The following CSMD3 variants were observed in gnomAD, a reference collection of about 807,000 sequenced individuals.
The protein encoded by CSMD3 is CUB and sushi domain-containing protein 3.
A neutral mutation model predicts 435.2 loss-of-function variants in CSMD3; 177 were observed. The ratio of observed to expected loss-of-function variants is 0.41; its 90% CI spans 0.36 to 0.46. The LOEUF (loss-of-function observed/expected upper bound fraction) is 0.46, where lower values mean the gene tolerates loss of function less well. Among genes scored for constraint, CSMD3 ranks in the 20% least tolerant of loss-of-function variants. The pLI is 0.34. For missense variants in CSMD3, 4,265 were observed against 4,504.6 expected, an observed-to-expected ratio of 0.95 and a Z score of 1.52; for synonymous variants, 1,656 against 1,520.5, an observed-to-expected ratio of 1.09 and a Z score of -2.07.
chr8:113,125,166 C>T (rs905391893), intron 4 of CSMD3, among the ~76,000 whole-genome samples: 2 of 151,874 alleles, frequency 1.3e-5, no homozygotes, highest in African/African-American at 4.8e-5. Flanking sequence ...GGAGTAAGCA[C>T]ATAACTTAGT....
rs534398759 is a variant in CSMD3 at position 112,918,361 on chromosome 8, C to A, written c.1633+3266G>T. ...TCCCTTAATTACCCATTTCATTAATCCCATGAGTGGTTTTTGCCCTTGTAA... is the reference window on the plus strand; with the variant it reads ...TCCCTTAATTACCCATTTCATTAATACCATGAGTGGTTTTTGCCCTTGTAA... On this transcript the variant is annotated intron_variant, in intron 10 of 70. Coordinates refer to ENST00000297405, the MANE Select transcript of CSMD3 (RefSeq NM_198123.2). Among the ~76,000 whole-genome samples, 6 of 151,896 alleles carry A rather than the reference C, an allele frequency of 4.0e-5. No homozygotes were observed. In the East Asian group the frequency reaches 9.7e-4, roughly 25 times the overall value.
chr8:113,225,180 C>T (rs2093012929), intron 3 of CSMD3, among the ~76,000 whole-genome samples: 1 of 151,262 alleles, frequency 6.6e-6, no homozygotes, highest in South Asian at 2.1e-4. Context: ...CTAGGATTAT[C>T]AAATTTGATT....
chr8:113,034,667 G>A (rs190564963), intron 5 of CSMD3, among the ~76,000 whole-genome samples: 2 of 152,080 alleles, frequency 1.3e-5, no homozygotes, highest in African/African-American at 4.8e-5. Flanking sequence ...CACTATAAAT[G>A]GGCTAATGTC....
intron 1 of CSMD3, among the ~76,000 whole-genome samples, chr8:113,404,278 T>C (rs1419410850): frequency 6.6e-6 from 1 of 151,488 alleles, no homozygotes; most frequent in Non-Finnish European, 1.5e-5. Context: ...TACTGTTCAC[T>C]ATGGCTTGAT....
chr8:113,285,478 C>A (rs1036452367), intron 2 of CSMD3, among the ~76,000 whole-genome samples: 2 of 152,104 alleles, frequency 1.3e-5, no homozygotes, highest in Non-Finnish European at 2.9e-5. Flanking sequence ...CCAGGATGGT[C>A]TCGATCTCCT....
intron 69 of CSMD3, 134 bp downstream of exon 69, chr8:112,231,411 G>C (rs143822730): frequency 1.4e-6 from 1 of 703,650 alleles, no homozygotes; most frequent in Non-Finnish European, 2.6e-6. Context: ...GCTATCAAAG[G>C]TATCAATGCA....
chr8:112,907,721 T>C (rs2082301070), intron 10 of CSMD3, among the ~76,000 whole-genome samples: 1 of 151,504 alleles, frequency 6.6e-6, no homozygotes, highest in East Asian at 2.0e-4. Flanking sequence ...AGAAATAAAG[T>C]TATAAAAAAA....
intron 1 of CSMD3, among the ~76,000 whole-genome samples, chr8:113,391,031 A>G (rs2094459203): frequency 6.6e-6 from 1 of 152,022 alleles, no homozygotes; most frequent in Non-Finnish European, 1.5e-5. Context: ...AGAAGTCGAC[A>G]AGGCACTGGA....
At chr8:112,286,142 A>C (rs1414131232) in intron 58 of CSMD3, among the ~76,000 whole-genome samples, 1 of 152,162 alleles carries the variant, frequency 6.6e-6, no homozygotes, top group Non-Finnish European at 1.5e-5. Flanking sequence ...TCTTAATAAT[A>C]CTTCTGTATG....
rs1820805329 is a variant in CSMD3, at chr8:112,492,565, T to C, written c.5202A>G (p.Gln1734=). ...TGATACAGGTGAGTGTTGAATAACC[T>C]TGAAGAACATAACCAGCATCACAGT... The part of the protein sequence containing the change: ...TYYCDAGYVL[Q]GYSTLTCIMG... The change falls in exon 31 of 71, where the codon CAA becomes CAG. Residue 1734 remains glutamine, a synonymous_variant. Transcript: ENST00000297405. 1.2e-6 allele frequency: 2 copies of C among 1,613,816 alleles called. No homozygotes were observed. Among genetic ancestry groups the C allele is most frequent in the African/African-American group, 2.7e-5 (2 of 74,938 alleles).
chr8:112,292,796 A>G, intron 54 of CSMD3, 86 bp from the exon 55 acceptor site: 1 of 1,177,326 alleles, frequency 8.5e-7, no homozygotes, highest in Non-Finnish European at 1.3e-6. Flanking sequence ...ATTATACTTA[A>G]TCATTTCAAA....
chr8:113,346,750 A>G (rs2094154054), intron 1 of CSMD3, among the ~76,000 whole-genome samples: 1 of 152,126 alleles, frequency 6.6e-6, no homozygotes, highest in Non-Finnish European at 1.5e-5. Flanking sequence ...TTAAAATTAT[A>G]AAATAATTTA....
At chr8:113,282,890 T>G (rs1455392070) in intron 2 of CSMD3, among the ~76,000 whole-genome samples, 1 of 152,026 alleles carries the variant, frequency 6.6e-6, no homozygotes, top group Non-Finnish European at 1.5e-5. Context: ...AATGGGCACA[T>G]AGACCAATGG....
intron 32 of CSMD3, among the ~76,000 whole-genome samples, chr8:112,416,264 T>G (rs1201984628): frequency 2.0e-5 from 3 of 152,166 alleles, no homozygotes; most frequent in Admixed American, 6.5e-5. Flanking sequence ...GATGGTTTTA[T>G]AAGTGTCTGG....
At chr8:113,204,233 A>G (rs2092745704) in intron 3 of CSMD3, among the ~76,000 whole-genome samples, 1 of 152,236 alleles carries the variant, frequency 6.6e-6, no homozygotes. Context: ...CCCTAGATAA[A>G]AAGACTTCAC....
intron 26 of CSMD3, among the ~76,000 whole-genome samples, chr8:112,551,114 A>G (rs1322299557): frequency 6.6e-6 from 1 of 152,112 alleles, no homozygotes; most frequent in East Asian, 1.9e-4. Context: ...CTTCAGGCAT[A>G]CATTCTTTCC....
chr8:112,475,996 G>T (rs1459572104), intron 31 of CSMD3, among the ~76,000 whole-genome samples: 1 of 152,042 alleles, frequency 6.6e-6, no homozygotes, highest in South Asian at 2.1e-4. Flanking sequence ...CACTGCTCCT[G>T]ATTATAACTT....
chr8:113,047,525 T>G (rs2131312081), intron 5 of CSMD3, among the ~76,000 whole-genome samples: 1 of 152,358 alleles, frequency 6.6e-6, no homozygotes, highest in South Asian at 2.1e-4. Context: ...CTTCCTCTAT[T>G]TTTGAATTTA....
chr8:113,085,240 CA>C (rs779586650), intron 5 of CSMD3, among the ~76,000 whole-genome samples: 67 of 142,706 alleles, frequency 4.7e-4, no homozygotes, highest in Middle Eastern at 7.5e-3. Flanking sequence ...ACAACTCAGC[CA>C]AAAAAAAACC....
Sources: allele counts gnomAD v4.1 joint callset (sites outside exome capture counted in the v4.1 genomes callset), GRCh38; gene constraint gnomAD v4.1.1; transcripts MANE v1.5; gene names NCBI Gene and HGNC (gene_info 2026-07-23, HGNC 2026-07-21).